GYPC: variants seen among roughly 807,000 people sequenced by gnomAD.
GYPC encodes the protein glycophorin C (Gerbich blood group), also known as glycophorin-C.
A neutral mutation model predicts 12.6 loss-of-function variants in GYPC; 14 were observed. The ratio of observed to expected loss-of-function variants is 1.11; its 90% confidence interval spans 0.74 to 1.74. The LOEUF is 1.74. Among genes scored for constraint, GYPC ranks in the 40% most tolerant of loss-of-function variants. GYPC has a pLI of 0.00. For missense variants in GYPC, 225 were observed against 172.1 expected (o/e 1.31, Z -1.72); for synonymous variants, 78 against 62.1 (o/e 1.26, Z -1.20).
chr2:126,695,067 C>G (rs1683599922), intron 3 of GYPC, among the ~76,000 whole-genome samples: 1 of 152,190 alleles, frequency 6.6e-6, no homozygotes, highest in African/African-American at 2.4e-5. Context: ...CCAGCAGATT[C>G]GCCCCGTCCT....
At chr2:126,693,119 C>T (rs1291243054) in intron 2 of GYPC, among the ~76,000 whole-genome samples, 1 of 152,212 alleles carries the variant, frequency 6.6e-6, no homozygotes, top group Non-Finnish European at 1.5e-5. Flanking sequence ...GAGGTGGGAC[C>T]TAGTGGGAGA....
intron 1 of GYPC, among the ~76,000 whole-genome samples, chr2:126,657,125 A>T (rs1448109659): frequency 6.6e-6 from 1 of 152,222 alleles, no homozygotes; most frequent in Non-Finnish European, 1.5e-5. Flanking sequence ...TATTGATATG[A>T]TAATGATATG....
At chr2:126,656,391 C>T in intron 1 of GYPC, 79 bp downstream of exon 1, 1 of 1,257,076 alleles carries the variant, frequency 8.0e-7, no homozygotes, top group South Asian at 1.3e-5. Context: ...CGAGCCACGG[C>T]CACGGACGCC....
At chr2:126,670,921 C>A (rs1217194342) in intron 1 of GYPC, among the ~76,000 whole-genome samples, 1 of 152,174 alleles carries the variant, frequency 6.6e-6, no homozygotes, top group Admixed American at 6.5e-5. Flanking sequence ...CCATAGAGAC[C>A]GGTGGCCCCC....
At chr2:126,664,688 C>T (rs1474944688) in intron 1 of GYPC, among the ~76,000 whole-genome samples, 1 of 152,236 alleles carries the variant, frequency 6.6e-6, no homozygotes, top group East Asian at 1.9e-4. Flanking sequence ...GGAAGTCACC[C>T]TGTGACCTGA....
chr2:126,694,071 A>G, intron 3 of GYPC, 124 bp downstream of exon 3: 2 of 735,512 alleles, frequency 2.7e-6, no homozygotes, highest in Non-Finnish European at 5.0e-6. Context: ...TCTCCCTCAG[A>G]GGTGGTTTTG....
intron 1 of GYPC, among the ~76,000 whole-genome samples, chr2:126,661,405 T>A (rs985852979): frequency 6.6e-6 from 1 of 151,808 alleles, no homozygotes; most frequent in South Asian, 2.1e-4. Flanking sequence ...TTCTAGTCTC[T>A]CCTGCTTCTG....
intron 1 of GYPC, chr2:126,686,002 A>T: frequency 2.0e-6 from 2 of 985,414 alleles, no homozygotes; most frequent in Non-Finnish European, 2.4e-6. Context: ...TTGCTGGGAC[A>T]GATGGACAGG....
chr2:126,686,341 G>A, intron 1 of GYPC: 1 of 985,760 alleles, frequency 1.0e-6, no homozygotes. Context: ...CGCACTGCAG[G>A]GTTGTGCCTG....
chr2:126,677,418 TGA>T (rs1437723787), intron 1 of GYPC, among the ~76,000 whole-genome samples: 8 of 150,428 alleles, frequency 5.3e-5, no homozygotes, highest in East Asian at 3.9e-4. Flanking sequence ...TGTAAGTGTG[TGA>T]GAGAATGTGA....
intron 1 of GYPC, among the ~76,000 whole-genome samples, chr2:126,683,768 G>A (rs528411085): frequency 6.6e-6 from 1 of 152,194 alleles, no homozygotes; most frequent in Non-Finnish European, 1.5e-5. Flanking sequence ...CATCCCAAAA[G>A]CAAGTGACTA....
At chr2:126,671,880 G>A (rs1682865082) in intron 1 of GYPC, among the ~76,000 whole-genome samples, 1 of 152,220 alleles carries the variant, frequency 6.6e-6, no homozygotes, top group Non-Finnish European at 1.5e-5. Flanking sequence ...GTGAGGGGGT[G>A]CCATCTTATA....
chr2:126,677,421 G>T (rs1683026705), intron 1 of GYPC, among the ~76,000 whole-genome samples: 1 of 150,322 alleles, frequency 6.7e-6, no homozygotes, highest in Admixed American at 6.6e-5. Flanking sequence ...AAGTGTGTGA[G>T]AGAATGTGAG....
chr2:126,677,260 AGT>A (rs1245564479), intron 1 of GYPC, among the ~76,000 whole-genome samples: 2 of 151,240 alleles, frequency 1.3e-5, no homozygotes, highest in African/African-American at 4.9e-5. Flanking sequence ...TATGTGTATA[AGT>A]GTGTGAGTGC....
At chr2:126,692,372 C>A (rs1367695542) in intron 2 of GYPC, among the ~76,000 whole-genome samples, 1 of 152,152 alleles carries the variant, frequency 6.6e-6, no homozygotes, top group Non-Finnish European at 1.5e-5. Flanking sequence ...TCCCCTCACC[C>A]ATTATGACTC....
chr2:126,694,991 C>A lies in GYPC; in HGVS notation c.191-955C>A, dbSNP rs781136894. Among the ~76,000 whole-genome samples the A allele has an allele frequency of 4.1e-4, 62 of 152,270 alleles. No individual in the cohort carries two copies. The Middle Eastern group carries it at 0.014, about 33-fold the overall frequency. ...GGGGTGACCGCCCCTCGCACAGCCA[C>A]CACCTTGGCATCCTCTGCATTACCC... On this transcript the variant is annotated intron_variant, in intron 3 of 3. Coordinates refer to ENST00000259254, the MANE Select transcript of GYPC (RefSeq NM_002101.5).
intron 1 of GYPC, among the ~76,000 whole-genome samples, chr2:126,667,363 A>G (rs1178865030): frequency 6.6e-6 from 1 of 151,568 alleles, no homozygotes; most frequent in East Asian, 1.9e-4. Context: ...CATGACTCCT[A>G]CATGCATTGC....
chr2:126,695,742 G>C (rs1291770660), intron 3 of GYPC, among the ~76,000 whole-genome samples: 3 of 152,194 alleles, frequency 2.0e-5, no homozygotes. Context: ...CAGTAGGTTT[G>C]GAGTATTAAA....
In GYPC at chr2:126,689,931, T is replaced by C. The variant is rs188722346; in HGVS notation, c.50-324T>C. On this transcript the variant is annotated intron_variant, in intron 1 of 3. Transcript: ENST00000259254. ...AACACAACAAGAGTCCCTGCCTTCA[T>C]ACACAGCACAGATATCTGTTGAGCA... Among the ~76,000 whole-genome samples the C allele has an allele frequency of 1.6e-4, 24 of 152,338 alleles. No individual in the cohort carries two copies. The East Asian group carries it at 4.6e-3, about 29-fold the overall frequency.
Sources: gnomAD v4.1 joint callset for allele counts (sites outside exome capture counted in the v4.1 genomes callset) on GRCh38, gnomAD v4.1.1 for gene constraint, MANE v1.5 for transcripts, NCBI Gene and HGNC (gene_info 2026-07-23, HGNC 2026-07-21) for gene names.